Variants in MTREX observed in about 807,000 individuals in gnomAD.
MTREX encodes Mtr4 exosome RNA helicase.
MTREX carries 76 observed loss-of-function variants against 135.4 expected under a neutral mutation model. The ratio of observed to expected loss-of-function variants is 0.56; its 90% confidence interval spans 0.47 to 0.68. MTREX has a LOEUF of 0.68. MTREX is among the 30% of genes least tolerant of loss of function. The pLI is 0.00. For synonymous variants in MTREX, 404 were observed against 401.6 expected, an observed-to-expected ratio of 1.01 and a Z score of -0.07; for missense variants, 920 against 1,262.1, an observed-to-expected ratio of 0.73 and a Z score of 4.11.
chr5:55,332,725 G>A (rs962655180), intron 5 of MTREX, among the ~76,000 whole-genome samples: 4 of 152,144 alleles, frequency 2.6e-5, no homozygotes, highest in African/African-American at 9.7e-5. Context: ...TGAAGATGGA[G>A]CTTTCATGAC....
chr5:55,342,539 T>C (rs899356847), intron 7 of MTREX, among the ~76,000 whole-genome samples: 1 of 152,190 alleles, frequency 6.6e-6, no homozygotes, highest in Non-Finnish European at 1.5e-5. Flanking sequence ...GCTGTTACGC[T>C]CTCGTAATGA....
intron 19 of MTREX, among the ~76,000 whole-genome samples, chr5:55,389,499 G>C (rs772174597): frequency 6.6e-6 from 1 of 152,188 alleles, no homozygotes. Flanking sequence ...GGCAAGGGGT[G>C]GGGGGTTGTT....
intron 18 of MTREX, 73 bp from the exon 19 acceptor site, chr5:55,387,901 T>C: frequency 7.0e-7 from 1 of 1,422,086 alleles, no homozygotes; most frequent in Non-Finnish European, 9.5e-7. Context: ...AAATAGTTCC[T>C]ATACAGATGG....
intron 18 of MTREX, among the ~76,000 whole-genome samples, chr5:55,380,269 A>T (rs1350887958): frequency 5.3e-5 from 8 of 151,998 alleles, no homozygotes; most frequent in Non-Finnish European, 1.2e-4. Context: ...TTCTATGGAG[A>T]TGATACACAC....
chr5:55,402,824 G>GTGTA (rs1750743068), intron 21 of MTREX, among the ~76,000 whole-genome samples: 2 of 91,102 alleles, frequency 2.2e-5, no homozygotes, highest in South Asian at 9.6e-4. Context: ...CACATTATAT[G>GTGTA]TGTGTGTGTG....
chr5:55,354,834 G>A (rs1219361575), intron 14 of MTREX, among the ~76,000 whole-genome samples: 1 of 152,184 alleles, frequency 6.6e-6, no homozygotes, highest in Non-Finnish European at 1.5e-5. Flanking sequence ...CTGGTTTGTG[G>A]TGGGGGGAAG....
Position 55,425,110 on chromosome 5 carries a change from G to C in MTREX, c.*338G>C, listed in dbSNP as rs537081151. On this transcript the variant is annotated 3_prime_UTR_variant, in exon 27 of 27. Coordinates refer to ENST00000230640, the MANE Select transcript of MTREX (RefSeq NM_015360.5). ...ATAGCAGCAGCAGAAGTCTTTAAAG[G>C]CTTGTACACCAGGAAGAAAGATGCA... The C allele has an allele frequency of 1.9e-4, 274 of 1,459,254 alleles. 2 individuals are homozygous for C. In the South Asian group the frequency reaches 3.3e-3, roughly 18 times the overall value. 90.4% of individuals were successfully genotyped at this position (1,459,254 alleles called of 1,614,324 possible).
At chr5:55,408,018 A>G (rs1280196194) in intron 22 of MTREX, among the ~76,000 whole-genome samples, 1 of 151,958 alleles carries the variant, frequency 6.6e-6, no homozygotes, top group African/African-American at 2.4e-5. Context: ...TTACCACCCA[A>G]ATTGCTGGGA....
chr5:55,377,859 C>T (rs1006186183), intron 16 of MTREX, among the ~76,000 whole-genome samples: 61 of 152,274 alleles, frequency 4.0e-4, no homozygotes, highest in African/African-American at 1.3e-3. Context: ...AGGCAGGAAT[C>T]ATCTCCAGCT....
chr5:55,315,313 GT>G (rs1367929771), intron 1 of MTREX, among the ~76,000 whole-genome samples: 2 of 152,134 alleles, frequency 1.3e-5, no homozygotes, highest in Non-Finnish European at 2.9e-5. Flanking sequence ...TTTCCCCAAT[GT>G]TTTGTCATTC....
chr5:55,351,422 C>T (rs958762393), intron 13 of MTREX, among the ~76,000 whole-genome samples: 3 of 152,158 alleles, frequency 2.0e-5, no homozygotes, highest in Non-Finnish European at 2.9e-5. Context: ...GTCCCAGCTA[C>T]TAGGGAAGCT....
chr5:55,396,121 TTA>T (rs1244715654), intron 19 of MTREX, among the ~76,000 whole-genome samples: 1 of 152,182 alleles, frequency 6.6e-6, no homozygotes, highest in Non-Finnish European at 1.5e-5. Context: ...TATGTGGGAT[TTA>T]TTTCATTCTT....
chr5:55,379,302 A>C (rs2112099942), intron 18 of MTREX, 107 bp downstream of exon 18: 1 of 639,400 alleles, frequency 1.6e-6, no homozygotes, highest in Admixed American at 2.9e-5. Flanking sequence ...GAAGAGAAGC[A>C]GTAATAAATT....
chr5:55,402,609 A>G (rs576004795), intron 21 of MTREX, among the ~76,000 whole-genome samples: 1 of 152,314 alleles, frequency 6.6e-6, no homozygotes, highest in East Asian at 1.9e-4. Context: ...CATAACATGA[A>G]AAAAGGATCT....
At chr5:55,407,003 G>T (rs1750818389) in intron 22 of MTREX, among the ~76,000 whole-genome samples, 1 of 152,184 alleles carries the variant, frequency 6.6e-6, no homozygotes, top group Non-Finnish European at 1.5e-5. Context: ...GCAATATCCA[G>T]TCTGAAGATA....
At chr5:55,401,469 T>G (rs1248931948) in intron 21 of MTREX, among the ~76,000 whole-genome samples, 7 of 152,238 alleles carry the variant, frequency 4.6e-5, no homozygotes, top group African/African-American at 1.7e-4. Context: ...TGTATACAAG[T>G]TTTTGTATGG....
Position 55,341,667 on chromosome 5 carries a change from A to C in MTREX, c.691-14A>C. The C allele has an allele frequency of 6.9e-7, 1 of 1,452,858 alleles. No individual in the cohort carries two copies. Among genetic ancestry groups the C allele is most frequent in the Non-Finnish European group, 9.5e-7 (1 of 1,050,330 alleles). 90.0% of individuals were successfully genotyped at this position (1,452,858 alleles called of 1,614,324 possible). On this transcript the variant is annotated splice_polypyrimidine_tract_variant and intron_variant, in intron 6 of 26. Coordinates refer to ENST00000230640, the MANE Select transcript of MTREX (RefSeq NM_015360.5). Reference sequence around the variant, plus strand: ...CAGAATCCAACTAAATACATTTTTTACTTTTTTCTTTAGATTTTGAGAAGT... The same window carrying C: ...CAGAATCCAACTAAATACATTTTTTCCTTTTTTCTTTAGATTTTGAGAAGT...
intron 4 of MTREX, 73 bp downstream of exon 4, chr5:55,327,851 G>T: frequency 8.7e-7 from 1 of 1,153,780 alleles, no homozygotes; most frequent in South Asian, 1.3e-5. Flanking sequence ...TATTTCAAAT[G>T]AGATTTTTAT....
intron 13 of MTREX, among the ~76,000 whole-genome samples, chr5:55,352,132 A>T (rs1214384391): frequency 6.6e-6 from 1 of 151,698 alleles, no homozygotes; most frequent in Non-Finnish European, 1.5e-5. Context: ...TGATCCTCCC[A>T]CCTCAGCCTC....
Sources: allele counts gnomAD v4.1 joint callset (sites outside exome capture counted in the v4.1 genomes callset), GRCh38; gene constraint gnomAD v4.1.1; transcripts MANE v1.5; gene names NCBI Gene and HGNC (gene_info 2026-07-23, HGNC 2026-07-21).